NRXN3: variants seen among roughly 807,000 people sequenced by gnomAD.
The protein encoded by NRXN3 is neurexin III.
NRXN3 carries 32 observed loss-of-function variants against 137.6 expected under a neutral mutation model. That is an observed-to-expected ratio of 0.23 (90% CI 0.18 to 0.31). The LOEUF (loss-of-function observed/expected upper bound fraction) is 0.31, where lower values mean the gene tolerates loss of function less well. Ranked by LOEUF, NRXN3 falls within the 10% of genes least tolerant of loss-of-function variation. The probability of loss-of-function intolerance (pLI) is 1.00; values close to 1 mark genes in which losing one functional copy is unlikely to be tolerated. For missense variants in NRXN3, 1,574 were observed against 2,062.5 expected, an observed-to-expected ratio of 0.76 and a Z score of 4.59; for synonymous variants, 798 against 784.5, an observed-to-expected ratio of 1.02 and a Z score of -0.29.
intron 10 of NRXN3, among the ~76,000 whole-genome samples, chr14:78,847,739 A>G (rs771282500): frequency 1.2e-4 from 18 of 152,118 alleles, no homozygotes; most frequent in Non-Finnish European, 2.1e-4. Context: ...ATCCCCCACT[A>G]TCAAAAATAA....
chr14:79,352,378 C>A (rs763046514), intron 15 of NRXN3, among the ~76,000 whole-genome samples: 2 of 152,102 alleles, frequency 1.3e-5, no homozygotes, highest in Admixed American at 6.5e-5. Flanking sequence ...ACCCTAGGAT[C>A]TTCTTCTATT....
chr14:79,615,217 G>T (rs924405702), intron 16 of NRXN3, among the ~76,000 whole-genome samples: 1 of 152,132 alleles, frequency 6.6e-6, no homozygotes, highest in African/African-American at 2.4e-5. Context: ...TACACGGGAA[G>T]ACAAAAATTA....
At chr14:79,318,013 C>T (rs886355390) in intron 15 of NRXN3, among the ~76,000 whole-genome samples, 1 of 151,928 alleles carries the variant, frequency 6.6e-6, no homozygotes, top group Non-Finnish European at 1.5e-5. Context: ...TTTCATAGCC[C>T]CAATTCAAGT....
At chr14:79,462,530 T>TA (rs953783811) in intron 15 of NRXN3, among the ~76,000 whole-genome samples, 1 of 150,158 alleles carries the variant, frequency 6.7e-6, no homozygotes. Flanking sequence ...TATATATATA[T>TA]AAAAAAATAC....
chr14:79,654,267 C>G (rs909272696), intron 16 of NRXN3, among the ~76,000 whole-genome samples: 2 of 151,610 alleles, frequency 1.3e-5, no homozygotes, highest in African/African-American at 2.4e-5. Context: ...TGTACATCAA[C>G]TATTGATTAA....
chr14:79,410,109 CT>C (rs1567047115), intron 15 of NRXN3, among the ~76,000 whole-genome samples: 1 of 151,556 alleles, frequency 6.6e-6, no homozygotes, highest in Non-Finnish European at 1.5e-5. Context: ...CTCCAAGTGG[CT>C]GAAGAAAAAA....
chr14:79,333,937 A>G (rs1253308809), intron 15 of NRXN3, among the ~76,000 whole-genome samples: 1 of 152,152 alleles, frequency 6.6e-6, no homozygotes, highest in African/African-American at 2.4e-5. Context: ...CCAAATATGA[A>G]TACTGCTGTG....
At chr14:79,532,306 T>A (rs1456560602) in intron 16 of NRXN3, among the ~76,000 whole-genome samples, 2 of 152,160 alleles carry the variant, frequency 1.3e-5, no homozygotes, top group East Asian at 1.9e-4. Flanking sequence ...ATAATTAAAT[T>A]TCATATATAA....
intron 10 of NRXN3, among the ~76,000 whole-genome samples, chr14:78,950,073 A>T (rs941404869): frequency 1.3e-5 from 2 of 152,222 alleles, no homozygotes; most frequent in Non-Finnish European, 2.9e-5. Flanking sequence ...AAATCATTGT[A>T]AGAAATCTAA....
intron 19 of NRXN3, chr14:79,760,635 G>A (rs1366809699): frequency 6.6e-6 from 1 of 151,526 alleles, no homozygotes; most frequent in Non-Finnish European, 1.5e-5. Flanking sequence ...AAAATGCAAA[G>A]AAAGAGCCTT....
chr14:79,131,913 A>G (rs2057549562), intron 15 of NRXN3, among the ~76,000 whole-genome samples: 1 of 152,280 alleles, frequency 6.6e-6, no homozygotes, highest in Admixed American at 6.5e-5. Context: ...GGAAAAACAC[A>G]GTATTCGGGT....
intron 6 of NRXN3, among the ~76,000 whole-genome samples, chr14:78,665,399 C>T (rs1458463189): frequency 1.3e-5 from 2 of 152,110 alleles, no homozygotes; most frequent in Non-Finnish European, 2.9e-5. Context: ...GAAAAAGCCC[C>T]TTATAAAACC....
intron 2 of NRXN3, among the ~76,000 whole-genome samples, chr14:78,261,248 C>G (rs1447950696): frequency 1.3e-5 from 2 of 152,222 alleles, no homozygotes; most frequent in Admixed American, 6.5e-5. Context: ...TGCAAAGACA[C>G]TGCCAGTATT....
At chr14:78,814,227 C>T (rs1419292035) in intron 10 of NRXN3, among the ~76,000 whole-genome samples, 1 of 152,154 alleles carries the variant, frequency 6.6e-6, no homozygotes, top group African/African-American at 2.4e-5. Context: ...ACATATAGTT[C>T]TAGCTTAGAA....
chr14:79,147,332 A>G (rs2059392584), intron 15 of NRXN3, among the ~76,000 whole-genome samples: 1 of 152,150 alleles, frequency 6.6e-6, no homozygotes, highest in Non-Finnish European at 1.5e-5. Flanking sequence ...GCAATTTAGC[A>G]GCTTTTCTGT....
intron 15 of NRXN3, among the ~76,000 whole-genome samples, chr14:79,026,888 A>G (rs2099598776): frequency 6.7e-6 from 1 of 150,284 alleles, no homozygotes; most frequent in Non-Finnish European, 1.5e-5. Flanking sequence ...AAAGAGGCAC[A>G]TGTGCCAGAA....
At chr14:79,140,266 C>T (rs938413158) in intron 15 of NRXN3, among the ~76,000 whole-genome samples, 1 of 152,056 alleles carries the variant, frequency 6.6e-6, no homozygotes, top group African/African-American at 2.4e-5. Flanking sequence ...CTTACATGAA[C>T]TGGAGAACTT....
intron 15 of NRXN3, among the ~76,000 whole-genome samples, chr14:79,116,822 A>G (rs1475600363): frequency 6.6e-6 from 1 of 152,218 alleles, no homozygotes; most frequent in Non-Finnish European, 1.5e-5. Context: ...AGCAAAAGAT[A>G]TAGCAGGGTC....
chr14:78,708,338 C>T (rs1298709674), intron 6 of NRXN3, among the ~76,000 whole-genome samples: 1 of 152,182 alleles, frequency 6.6e-6, no homozygotes, highest in African/African-American at 2.4e-5. Context: ...TAAAATCAGA[C>T]TCTCAACTAA....
Sources: allele counts gnomAD v4.1 joint callset (sites outside exome capture counted in the v4.1 genomes callset), GRCh38; gene constraint gnomAD v4.1.1; transcripts MANE v1.5; gene names NCBI Gene and HGNC (gene_info 2026-07-23, HGNC 2026-07-21).